The following PTPDC1 variants were observed in gnomAD, a reference collection of about 807,000 sequenced individuals.
The protein encoded by PTPDC1 is protein tyrosine phosphatase domain-containing protein 1.
Under a neutral mutation model 75.3 loss-of-function variants are expected in PTPDC1, and 53 were observed. The ratio of observed to expected loss-of-function variants is 0.70; its 90% CI spans 0.56 to 0.88. The LOEUF is 0.88. Among genes scored for constraint, PTPDC1 ranks in the 40% least tolerant of loss-of-function variants. The pLI is 0.00. For synonymous variants in PTPDC1, 349 were observed against 366.2 expected, an observed-to-expected ratio of 0.95 and a Z score of 0.54; for missense variants, 925 against 998.6, an observed-to-expected ratio of 0.93 and a Z score of 0.99.
At chr9:94,064,766 T>G (rs199729499) in exon 2 of PTPDC1, 42 of 1,613,744 alleles carry the variant, frequency 2.6e-5, no homozygotes, top group Non-Finnish European at 3.5e-5. Context: ...TGCCTCAGAA[T>G]GAACAACCAT....
chr9:94,053,147 A>T lies in PTPDC1; in HGVS notation c.-6-11587A>T, dbSNP rs574200196. On this transcript the variant is annotated intron_variant, in intron 1 of 9. Coordinates refer to the PTPDC1 transcript ENST00000375360. ...CCCAATCTGTGATTAGTCTCCTGAG[A>T]GCCTTGGAGACTTCTCTAGGGTATA... Among the ~76,000 whole-genome samples the T allele has an allele frequency of 6.6e-5, 10 of 152,218 alleles. No homozygotes were observed. The East Asian group carries it at 1.7e-3, about 26-fold the overall frequency.
At chr9:94,035,627 T>C (rs1466635332) in intron 1 of PTPDC1, among the ~76,000 whole-genome samples, 1 of 152,242 alleles carries the variant, frequency 6.6e-6, no homozygotes, top group African/African-American at 2.4e-5. Flanking sequence ...TTGTGAATAC[T>C]GCTACAATAA....
At chr9:94,105,894 A>C (rs1231896561) in intron 8 of PTPDC1, among the ~76,000 whole-genome samples, 1 of 151,020 alleles carries the variant, frequency 6.6e-6, no homozygotes, top group Non-Finnish European at 1.5e-5. Flanking sequence ...AATGGTGTGA[A>C]CCCGGGAGGC....
intron 1 of PTPDC1, among the ~76,000 whole-genome samples, chr9:94,058,939 C>T (rs1013161580): frequency 5.9e-5 from 9 of 152,056 alleles, no homozygotes; most frequent in East Asian, 1.9e-4. Flanking sequence ...TGCAGTGAGC[C>T]GAGATTGTGC....
chr9:94,085,640 G>C (rs1483155358), intron 2 of PTPDC1, among the ~76,000 whole-genome samples: 1 of 152,102 alleles, frequency 6.6e-6, no homozygotes, highest in Non-Finnish European at 1.5e-5. Context: ...CAAAACCATA[G>C]GGTTTTTTAA....
intron 6 of PTPDC1, among the ~76,000 whole-genome samples, chr9:94,099,661 C>T (rs1177282332): frequency 6.6e-6 from 1 of 152,192 alleles, no homozygotes. Context: ...TCTTTATTTT[C>T]TGCTCCAAAC....
At chr9:94,100,547 T>A (rs1354430674) in intron 6 of PTPDC1, 1 of 152,218 alleles carries the variant, frequency 6.6e-6, no homozygotes, top group Non-Finnish European at 1.5e-5. Flanking sequence ...AAGGCAGAAC[T>A]GGGTATGAAC....
upstream of PTPDC1, among the ~76,000 whole-genome samples, chr9:94,080,921 G>A (rs781236744): frequency 1.1e-4 from 16 of 151,924 alleles, no homozygotes; most frequent in East Asian, 1.3e-3. Context: ...ATTATTTGGC[G>A]TAATGGGGCA....
chr9:94,095,261 TG>T (rs1827516250), intron 4 of PTPDC1, 55 bp from the exon 5 acceptor site: 1 of 1,185,724 alleles, frequency 8.4e-7, no homozygotes, highest in Non-Finnish European at 1.1e-6. Flanking sequence ...CATTAGTGTT[TG>T]TACTTTCATT....
chr9:94,072,419 A>G (rs1050713098), intron 2 of PTPDC1, among the ~76,000 whole-genome samples: 4 of 152,134 alleles, frequency 2.6e-5, no homozygotes, highest in Non-Finnish European at 5.9e-5. Context: ...CTCACTTTCC[A>G]TTCTGGGAAG....
Position 94,084,481 on chromosome 9 carries a change from G to C in PTPDC1, c.-50G>C, listed in dbSNP as rs767707103. The stretch of plus-strand genomic sequence containing the variant: ...CTGCTCTCAGTGAAAGTTCCTCACT[G>C]AGTGAGTGGGGCTGACTCTTCCTGC... On this transcript the variant is annotated 5_prime_UTR_variant, in exon 1 of 9. Coordinates refer to ENST00000620992, the MANE Select transcript of PTPDC1 (RefSeq NM_001253829.2). 6.3e-7 allele frequency: 1 copy of C among 1,598,262 alleles called. No homozygotes were observed. The highest frequency in any genetic ancestry group is 8.5e-7 in the Non-Finnish European group (1 of 1,178,332).
intron 4 of PTPDC1, among the ~76,000 whole-genome samples, chr9:94,091,347 G>T (rs534808863): frequency 6.6e-6 from 1 of 152,210 alleles, no homozygotes; most frequent in South Asian, 2.1e-4. Context: ...TAATCATGTG[G>T]TTTTTGTCTT....
chr9:94,106,038 T>C (rs755709896), intron 8 of PTPDC1, among the ~76,000 whole-genome samples: 4 of 151,866 alleles, frequency 2.6e-5, no homozygotes, highest in Non-Finnish European at 5.9e-5. Context: ...GCAAAGGGGA[T>C]AGATAATATA....
chr9:94,031,950 C>T (rs550201895), intron 1 of PTPDC1, among the ~76,000 whole-genome samples: 2 of 152,330 alleles, frequency 1.3e-5, no homozygotes, highest in South Asian at 4.1e-4. Context: ...CCATGCCAGG[C>T]ACTGTTAACA....
At chr9:94,094,011 G>T (rs377459504) in intron 4 of PTPDC1, among the ~76,000 whole-genome samples, 26 of 152,214 alleles carry the variant, frequency 1.7e-4, no homozygotes, top group Middle Eastern at 6.8e-3. Context: ...GTTTTCAACT[G>T]CTTTGCCTTT....
intron 4 of PTPDC1, among the ~76,000 whole-genome samples, chr9:94,089,604 T>A (rs1212732136): frequency 6.9e-6 from 1 of 144,462 alleles, no homozygotes; most frequent in African/African-American, 2.6e-5. Flanking sequence ...AGTAATGGGA[T>A]GGCTGGGTCA....
At chr9:94,046,936 G>A (rs952467089) in intron 1 of PTPDC1, among the ~76,000 whole-genome samples, 3 of 152,206 alleles carry the variant, frequency 2.0e-5, no homozygotes, top group Non-Finnish European at 2.9e-5. Flanking sequence ...TTTTCAAAGG[G>A]AATGCTTCCA....
At chr9:94,034,577 A>G (rs1825204337) in intron 1 of PTPDC1, among the ~76,000 whole-genome samples, 1 of 152,160 alleles carries the variant, frequency 6.6e-6, no homozygotes, top group Admixed American at 6.6e-5. Flanking sequence ...TTTAAGGAAA[A>G]TAAATGAGAA....
At chr9:94,047,226 G>A (rs1263671154) in intron 1 of PTPDC1, among the ~76,000 whole-genome samples, 5 of 152,174 alleles carry the variant, frequency 3.3e-5, no homozygotes, top group East Asian at 1.9e-4. Context: ...GCTTTTTGAT[G>A]TGCTGCTGGA....
Sources: allele counts gnomAD v4.1 joint callset (sites outside exome capture counted in the v4.1 genomes callset), GRCh38; gene constraint gnomAD v4.1.1; transcripts MANE v1.5; gene names NCBI Gene and HGNC (gene_info 2026-07-23, HGNC 2026-07-21).